Variants in SOX5 observed in about 807,000 individuals in gnomAD.
SOX5 encodes transcription factor SOX-5.
In SOX5, 9 loss-of-function variants were observed where a neutral mutation model predicts 92.0. The observed-to-expected ratio is 0.10, with a 90% CI of 0.06 to 0.17. The LOEUF (loss-of-function observed/expected upper bound fraction) is 0.17, where lower values mean the gene tolerates loss of function less well. Among genes scored for constraint, SOX5 ranks in the 10% least tolerant of loss-of-function variants. SOX5 has a pLI of 1.00. For synonymous variants in SOX5, 344 were observed against 336.3 expected (o/e 1.02, Z -0.25); for missense variants, 642 against 944.5 (o/e 0.68, Z 4.20).
chr12:24,247,413 C>A (rs561649987), intron 3 of SOX5, among the ~76,000 whole-genome samples: 1 of 152,036 alleles, frequency 6.6e-6, no homozygotes, highest in African/African-American at 2.4e-5. Context: ...ACTAGGAGTT[C>A]TTGCAGCACA....
chr12:23,869,713 C>T (rs571655727), intron 2 of SOX5, among the ~76,000 whole-genome samples: 17 of 152,164 alleles, frequency 1.1e-4, no homozygotes, highest in African/African-American at 4.1e-4. Flanking sequence ...TAAGACTTCC[C>T]GATGAAAGAA....
At chr12:23,556,293 T>C (rs1355394504) in intron 11 of SOX5, among the ~76,000 whole-genome samples, 1 of 152,182 alleles carries the variant, frequency 6.6e-6, no homozygotes, top group Non-Finnish European at 1.5e-5. Flanking sequence ...TTTATATAAA[T>C]TTGCAGGGTA....
intron 2 of SOX5, among the ~76,000 whole-genome samples, chr12:24,315,920 G>A (rs187324856): frequency 1.3e-5 from 2 of 152,282 alleles, no homozygotes; most frequent in East Asian, 3.9e-4. Context: ...TTCAGAAAAC[G>A]GAGGCGTGTG....
At chr12:23,962,494 A>C (rs1947064757) in intron 4 of SOX5, among the ~76,000 whole-genome samples, 1 of 152,228 alleles carries the variant, frequency 6.6e-6, no homozygotes, top group Non-Finnish European at 1.5e-5. Flanking sequence ...ATACTCCAGG[A>C]AAAATACACT....
intron 3 of SOX5, among the ~76,000 whole-genome samples, chr12:24,243,167 C>T (rs1191912645): frequency 6.6e-6 from 1 of 151,920 alleles, no homozygotes; most frequent in Non-Finnish European, 1.5e-5. Flanking sequence ...TAAAAAGAAC[C>T]CCATGAACCT....
chr12:23,609,368 TAA>T (rs779223016), intron 8 of SOX5, among the ~76,000 whole-genome samples: 11 of 152,198 alleles, frequency 7.2e-5, no homozygotes, highest in Non-Finnish European at 1.6e-4. Flanking sequence ...AGAATATTGA[TAA>T]GACAGAAATA....
At chr12:23,783,295 C>G (rs535813032) in intron 3 of SOX5, among the ~76,000 whole-genome samples, 1 of 151,984 alleles carries the variant, frequency 6.6e-6, no homozygotes, top group Non-Finnish European at 1.5e-5. Context: ...TGAAAGTAAG[C>G]TAAAGGAAGT....
chr12:23,800,768 A>G (rs568441165), intron 3 of SOX5, among the ~76,000 whole-genome samples: 1 of 152,316 alleles, frequency 6.6e-6, no homozygotes, highest in South Asian at 2.1e-4. Context: ...AAGAAGGTAT[A>G]TCATGAAATA....
intron 1 of SOX5, among the ~76,000 whole-genome samples, chr12:24,557,046 CAT>C: frequency 6.6e-6 from 1 of 152,238 alleles, no homozygotes; most frequent in Middle Eastern, 3.4e-3. Context: ...TAGTATCTAA[CAT>C]AATCCAAACA....
In SOX5 at chr12:23,941,254, A is replaced by G. The variant is rs978120696; in HGVS notation, c.38+8310T>C. ...GTTAGTGACTTCCAATTATCTTTTA[A>G]TTTACTTATAAAAGTCCAAATATGT... On this transcript the variant is annotated intron_variant, in intron 1 of 14. Transcript: ENST00000451604. Among the ~76,000 whole-genome samples the G allele has an allele frequency of 5.9e-5, 9 of 151,632 alleles. No homozygotes were observed. The South Asian group carries it at 8.3e-4, about 14-fold the overall frequency.
At chr12:23,569,517 A>C (rs953419163) in intron 10 of SOX5, among the ~76,000 whole-genome samples, 1 of 152,194 alleles carries the variant, frequency 6.6e-6, no homozygotes, top group Non-Finnish European at 1.5e-5. Context: ...CATCATTCTG[A>C]GATAAGTCCC....
chr12:23,899,348 C>T (rs1178571446), intron 1 of SOX5, among the ~76,000 whole-genome samples: 1 of 151,166 alleles, frequency 6.6e-6, no homozygotes, highest in African/African-American at 2.4e-5. Context: ...TTGTAGTGAG[C>T]CGAGATCACA....
At chr12:24,019,371 A>G (rs1281002203) in intron 4 of SOX5, among the ~76,000 whole-genome samples, 1 of 152,222 alleles carries the variant, frequency 6.6e-6, no homozygotes, top group Non-Finnish European at 1.5e-5. Flanking sequence ...CATAGATTCA[A>G]AACAGAACTA....
intron 8 of SOX5, among the ~76,000 whole-genome samples, chr12:23,613,493 G>A (rs2076208266): frequency 6.6e-6 from 1 of 152,000 alleles, no homozygotes; most frequent in Non-Finnish European, 1.5e-5. Flanking sequence ...TATATAACCT[G>A]GTAATTTTAC....
chr12:24,090,491 A>G (rs1254906208), intron 4 of SOX5, among the ~76,000 whole-genome samples: 2 of 152,194 alleles, frequency 1.3e-5, no homozygotes, highest in Non-Finnish European at 2.9e-5. Context: ...AAAATTATAT[A>G]TTAGTACAAT....
intron 14 of SOX5, among the ~76,000 whole-genome samples, chr12:23,535,652 C>G (rs531134417): frequency 6.6e-6 from 1 of 152,268 alleles, no homozygotes; most frequent in South Asian, 2.1e-4. Flanking sequence ...GCATATGAAT[C>G]ACAGACCACT....
At chr12:23,788,165 C>G (rs1262516637) in intron 3 of SOX5, among the ~76,000 whole-genome samples, 3 of 151,372 alleles carry the variant, frequency 2.0e-5, no homozygotes, top group African/African-American at 7.3e-5. Flanking sequence ...AGACAAAGTT[C>G]AAAAATAAAA....
intron 4 of SOX5, among the ~76,000 whole-genome samples, chr12:24,043,390 T>G (rs563929536): frequency 2.8e-4 from 42 of 152,332 alleles, no homozygotes; most frequent in Non-Finnish European, 4.6e-4. Flanking sequence ...TGTTCAACTA[T>G]TTTGTATTTT....
At chr12:23,713,985 G>C (rs575595748) in intron 6 of SOX5, among the ~76,000 whole-genome samples, 2 of 150,328 alleles carry the variant, frequency 1.3e-5, no homozygotes, top group Admixed American at 1.3e-4. Flanking sequence ...CCAGCTACTC[G>C]CAAAGCTGAG....
Sources: gnomAD v4.1 joint callset for allele counts (sites outside exome capture counted in the v4.1 genomes callset) on GRCh38, gnomAD v4.1.1 for gene constraint, MANE v1.5 for transcripts, NCBI Gene and HGNC (gene_info 2026-07-23, HGNC 2026-07-21) for gene names.